GABPB1: variants seen among roughly 807,000 people sequenced by gnomAD.
GABPB1 encodes GA binding protein transcription factor subunit beta 1.
In GABPB1, 15 loss-of-function variants were observed where a neutral mutation model predicts 45.9. The observed-to-expected ratio is 0.33, with a 90% CI of 0.22 to 0.50. The LOEUF (loss-of-function observed/expected upper bound fraction) is 0.50. Ranked by LOEUF, GABPB1 falls within the 20% of genes least tolerant of loss-of-function variation. The pLI is 0.98. For missense variants in GABPB1, 252 were observed against 457.5 expected, an observed-to-expected ratio of 0.55 and a Z score of 4.10; for synonymous variants, 143 against 154.4, an observed-to-expected ratio of 0.93 and a Z score of 0.55.
intron 6 of GABPB1, among the ~76,000 whole-genome samples, chr15:50,296,005 G>A (rs1038923341): frequency 2.0e-5 from 3 of 152,210 alleles, no homozygotes; most frequent in African/African-American, 7.2e-5. Flanking sequence ...TGGTACTAAC[G>A]TCATTTCCAT....
intron 7 of GABPB1, among the ~76,000 whole-genome samples, chr15:50,287,326 T>A (rs2046198594): frequency 6.6e-6 from 1 of 152,172 alleles, no homozygotes; most frequent in African/African-American, 2.4e-5. Flanking sequence ...TTTGGCTAAT[T>A]ACAGAAAAAA....
chr15:50,354,717 G>A (rs1370524466), intron 1 of GABPB1: 3 of 317,716 alleles, frequency 9.4e-6, no homozygotes, highest in Non-Finnish European at 1.8e-5. Context: ...AGGAGGGGGC[G>A]GCGGCCGCCA....
intron 7 of GABPB1, among the ~76,000 whole-genome samples, chr15:50,288,035 A>G (rs2046224827): frequency 1.3e-5 from 2 of 152,014 alleles, no homozygotes; most frequent in Admixed American, 6.6e-5. Context: ...ACGCTCTACA[A>G]TCCTACTCAT....
In GABPB1 at chr15:50,301,300, T is replaced by C; in HGVS notation, c.540A>G (p.Thr180=). 1.9e-6 allele frequency: 3 copies of C among 1,614,126 alleles called. 1 individual carries two copies. The part of the protein sequence containing the change: ...SPDTVTIHAA[T]PQFIIGPGGV... The stretch of plus-strand genomic sequence containing the variant: ...CTCCAGGTCCAATGATAAACTGTGG[T>C]GTTGCAGCATGTATTGTCACAGTGT... Residue 180 remains threonine (T), a synonymous_variant, in exon 5 of 9, where the codon ACA becomes ACG. Transcript: ENST00000380877.
Position 50,300,829 on chromosome 15 carries a change from A to C in GABPB1, c.657T>G (p.Ala219=), listed in dbSNP as rs1421120332. 2 of 1,612,834 alleles carry C rather than the reference A, an allele frequency of 1.2e-6. No homozygotes were observed. The highest frequency in any genetic ancestry group is 1.7e-6 in the Non-Finnish European group (2 of 1,178,934). ...AATTGGACAATGGAGCAGATGCTTC[A>C]GCTAAGGCAGCTAATGTAGCTAATA... ...TSVLATLAAL[A]EASAPLSNSS... is the part of the protein sequence containing the mutation. Residue 219 remains alanine (A), a synonymous_variant, in exon 6 of 9, where the codon GCT becomes GCG. Coordinates refer to ENST00000380877, the MANE Select transcript of GABPB1 (RefSeq NM_016654.5).
chr15:50,344,496 A>G (rs1011062643), intron 1 of GABPB1, among the ~76,000 whole-genome samples: 1 of 152,212 alleles, frequency 6.6e-6, no homozygotes, highest in Non-Finnish European at 1.5e-5. Context: ...AGGAAAATCT[A>G]AAGTTTAAAG....
At chr15:50,285,739 A>G in intron 8 of GABPB1, 2 of 940,878 alleles carry the variant, frequency 2.1e-6, no homozygotes, top group Non-Finnish European at 2.6e-6. Context: ...ATTTTAGCCA[A>G]TATATACTGG....
At chr15:50,290,733 G>A (rs2046316963) in intron 6 of GABPB1, among the ~76,000 whole-genome samples, 1 of 152,246 alleles carries the variant, frequency 6.6e-6, no homozygotes, top group East Asian at 1.9e-4. Context: ...GATAATAAGT[G>A]GCATACAGAT....
In GABPB1 at chr15:50,300,790, T is replaced by C. The variant is rs1168656291; in HGVS notation, c.696A>G (p.Pro232=). 4.4e-6 allele frequency: 7 copies of C among 1,590,534 alleles called. No homozygotes were observed. Among genetic ancestry groups the C allele is most frequent in the Non-Finnish European group, 6.0e-6 (7 of 1,158,620 alleles). The stretch of plus-strand genomic sequence containing the variant: ...ACACATTAGACTCGTTTTTCTAACC[T>C]GGAGTTTCTGAAGAATTGGACAATG... ...SAPLSNSSET[P]VVATEEVVTA... The change falls in exon 6 of 9, where the codon CCA becomes CCG. Residue 232 remains proline, a splice_region_variant and synonymous_variant. Transcript: ENST00000380877.
At chr15:50,304,597 G>C (rs984524368) in intron 2 of GABPB1, among the ~76,000 whole-genome samples, 5 of 151,892 alleles carry the variant, frequency 3.3e-5, no homozygotes, top group Non-Finnish European at 5.9e-5. Context: ...TGTAATCCCA[G>C]CTACTCAGGA....
intron 1 of GABPB1, among the ~76,000 whole-genome samples, chr15:50,331,695 G>C (rs551286415): frequency 2.0e-5 from 3 of 152,234 alleles, no homozygotes; most frequent in Non-Finnish European, 4.4e-5. Flanking sequence ...TGGAAAGCAA[G>C]AACTGAAACA....
intron 1 of GABPB1, chr15:50,353,981 A>AT (rs1318523567): frequency 5.8e-6 from 1 of 171,748 alleles, no homozygotes; most frequent in Non-Finnish European, 1.3e-5. Context: ...CTTTGAACAG[A>AT]TGTCCGCTCG....
intron 6 of GABPB1, among the ~76,000 whole-genome samples, chr15:50,299,354 A>T (rs778220933): frequency 4.6e-5 from 7 of 152,228 alleles, no homozygotes; most frequent in Non-Finnish European, 1.0e-4. Flanking sequence ...TCTTGTATAA[A>T]CCAAATGTTC....
chr15:50,346,446 G>A (rs1463283972), intron 1 of GABPB1: 1 of 152,126 alleles, frequency 6.6e-6, no homozygotes, highest in Non-Finnish European at 1.5e-5. Context: ...GACAACAGGA[G>A]TCCAGTAAAA....
At chr15:50,303,746 A>G (rs2046842359) in intron 3 of GABPB1, among the ~76,000 whole-genome samples, 1 of 152,070 alleles carries the variant, frequency 6.6e-6, no homozygotes, top group Non-Finnish European at 1.5e-5. Context: ...AAGGTCCAAG[A>G]AATCAATTAG....
rs969170391 is a variant in GABPB1 at position 50,278,428 on chromosome 15, C to T, written c.*204G>A. ...ACTGTAAAAAAAAAAAAACTATTTA[C>T]AGAATTCAGTTTTAAATACATTTCA... is the stretch of plus-strand genomic sequence containing the variant. On this transcript the variant is annotated 3_prime_UTR_variant, in exon 9 of 9. Coordinates refer to ENST00000380877, the MANE Select transcript of GABPB1 (RefSeq NM_016654.5). 1.9e-4 allele frequency: 64 copies of T among 338,186 alleles called. No homozygotes were observed. 20.9% of individuals were successfully genotyped at this position (338,186 alleles called of 1,614,324 possible).
intron 1 of GABPB1, among the ~76,000 whole-genome samples, chr15:50,332,306 AG>A (rs1567535426): frequency 6.6e-6 from 1 of 152,106 alleles, no homozygotes; most frequent in African/African-American, 2.4e-5. Context: ...TTGGTTTTCT[AG>A]AAATTATACC....
chr15:50,312,060 T>G lies in GABPB1; in HGVS notation c.1-2262A>C, dbSNP rs527991511. Among the ~76,000 whole-genome samples the G allele has an allele frequency of 7.9e-5, 12 of 152,176 alleles. No individual in the cohort carries two copies. In the South Asian group the frequency reaches 2.1e-3, roughly 26 times the overall value. On this transcript the variant is annotated intron_variant, in intron 1 of 8. Coordinates refer to ENST00000380877, the MANE Select transcript of GABPB1 (RefSeq NM_016654.5). ...TTGTAAGGATAAAAATAATCTATAT[T>G]ATGGCAAGGCGCAGCAGCTTACACC...
chr15:50,329,639 T>C (rs1464396691), intron 1 of GABPB1, among the ~76,000 whole-genome samples: 4 of 152,172 alleles, frequency 2.6e-5, no homozygotes, highest in Non-Finnish European at 4.4e-5. Flanking sequence ...ATGGATACCA[T>C]TGTTCAAGTT....
Sources: gnomAD v4.1 joint callset for allele counts (sites outside exome capture counted in the v4.1 genomes callset) on GRCh38, gnomAD v4.1.1 for gene constraint, MANE v1.5 for transcripts, NCBI Gene and HGNC (gene_info 2026-07-23, HGNC 2026-07-21) for gene names.